The following TENM4 variants were observed in gnomAD, a reference collection of about 807,000 sequenced individuals.
TENM4 encodes teneurin-4.
A neutral mutation model predicts 243.3 loss-of-function variants in TENM4; 82 were observed. The observed-to-expected ratio is 0.34, with a 90% CI of 0.28 to 0.40. The LOEUF (loss-of-function observed/expected upper bound fraction) is 0.40. Ranked by LOEUF, TENM4 falls within the 10% of genes least tolerant of loss-of-function variation. TENM4 has a pLI of 1.00. For synonymous variants in TENM4, 1,412 were observed against 1,456.3 expected (o/e 0.97, Z 0.69); for missense variants, 3,138 against 3,673.3 (o/e 0.85, Z 3.77).
At chr11:79,282,423 C>G (rs1192583187) in intron 2 of TENM4, among the ~76,000 whole-genome samples, 1 of 152,162 alleles carries the variant, frequency 6.6e-6, no homozygotes, top group Non-Finnish European at 1.5e-5. Context: ...AAATGAATGG[C>G]CACAATTCAA....
At position 78,832,866 on chromosome 11, in the gene TENM4, T is replaced by G. The variant is rs375266806; in HGVS notation, c.1682-18471A>C. 1.3e-3 allele frequency among the ~76,000 whole-genome samples: 205 copies of G among 152,358 alleles called. 1 individual carries two copies. In the South Asian group the frequency reaches 0.014, roughly 11 times the overall value. ...AAAGGCTGCTAAATTGTCGACATGT[T>G]CCAATCACCACAGTATCCTTAACTC... On this transcript the variant is annotated intron_variant, in intron 12 of 33. Coordinates refer to ENST00000278550, the MANE Select transcript of TENM4 (RefSeq NM_001098816.3).
intron 5 of TENM4, among the ~76,000 whole-genome samples, chr11:79,065,858 G>A (rs11237706): frequency 0.31 from 46,793 of 152,034 alleles, 7,627 homozygotes; most frequent in Non-Finnish European, 0.37. Flanking sequence ...TGGAAAACTA[G>A]CCTCCCTGTC....
At chr11:79,386,781 T>A (rs777855661) in intron 1 of TENM4, among the ~76,000 whole-genome samples, 8 of 152,134 alleles carry the variant, frequency 5.3e-5, no homozygotes, top group South Asian at 2.1e-4. Context: ...AAAAAAATTT[T>A]TTTTTATTTT....
intron 4 of TENM4, among the ~76,000 whole-genome samples, chr11:79,138,777 A>T (rs1489718912): frequency 1.7e-5 from 2 of 114,620 alleles, no homozygotes; most frequent in East Asian, 2.4e-4. Flanking sequence ...CATAAAACAT[A>T]CATTATATTT....
intron 1 of TENM4, among the ~76,000 whole-genome samples, chr11:79,356,515 C>T (rs507745): frequency 0.015 from 2,356 of 152,328 alleles, 37 homozygotes; most frequent in Non-Finnish European, 0.024. Flanking sequence ...TCTAGCTTGA[C>T]TCTATTCTCC....
At chr11:79,124,885 A>ATGTGTGTGTG (rs1362992313) in intron 4 of TENM4, among the ~76,000 whole-genome samples, 3 of 60,340 alleles carry the variant, frequency 5.0e-5, no homozygotes, top group Non-Finnish European at 1.3e-4. Context: ...GTATATATGT[A>ATGTGTGTGTG]TATGTATATG....
chr11:78,923,213 G>C (rs563965265), intron 6 of TENM4, among the ~76,000 whole-genome samples: 6 of 152,230 alleles, frequency 3.9e-5, no homozygotes, highest in East Asian at 1.9e-4. Context: ...GGTTTGATGG[G>C]CTGTCACTAT....
At chr11:78,986,530 A>G (rs1857922434) in intron 6 of TENM4, among the ~76,000 whole-genome samples, 1 of 152,070 alleles carries the variant, frequency 6.6e-6, no homozygotes, top group Non-Finnish European at 1.5e-5. Context: ...GGCAAATTTT[A>G]TCTTGGTTCT....
intron 15 of TENM4, among the ~76,000 whole-genome samples, chr11:78,793,049 G>A (rs747897269): frequency 2.6e-5 from 4 of 152,176 alleles, no homozygotes; most frequent in Non-Finnish European, 4.4e-5. Flanking sequence ...CCCCAGGCTC[G>A]TCTCATTAGA....
chr11:78,812,086 G>A, intron 14 of TENM4, 36 bp downstream of exon 14: 1 of 1,539,904 alleles, frequency 6.5e-7, no homozygotes. Flanking sequence ...CTCTATCTCA[G>A]AGGAAGGTGC....
At chr11:78,693,902 C>A (rs570881730) in intron 28 of TENM4, among the ~76,000 whole-genome samples, 11 of 152,198 alleles carry the variant, frequency 7.2e-5, no homozygotes, top group African/African-American at 2.6e-4. Context: ...GTAATCCCAG[C>A]TACTCGGGAG....
At chr11:79,064,633 AC>A in intron 6 of TENM4, 104 bp downstream of exon 6, 1 of 1,449,620 alleles carries the variant, frequency 6.9e-7, no homozygotes, top group Non-Finnish European at 9.3e-7. Context: ...GCAATTTTTC[AC>A]CAACTTCACC....
intron 4 of TENM4, among the ~76,000 whole-genome samples, chr11:79,118,763 G>C (rs575784244): frequency 2.6e-5 from 4 of 152,040 alleles, no homozygotes; most frequent in Non-Finnish European, 5.9e-5. Flanking sequence ...ATAATACTTC[G>C]TTGCATATAT....
intron 1 of TENM4, among the ~76,000 whole-genome samples, chr11:79,386,571 A>G (rs1858115764): frequency 6.6e-6 from 1 of 152,122 alleles, no homozygotes; most frequent in Non-Finnish European, 1.5e-5. Context: ...AAAGCAGACA[A>G]CCTGATCTGG....
At chr11:79,149,027 C>A (rs942510602) in intron 3 of TENM4, among the ~76,000 whole-genome samples, 3 of 152,092 alleles carry the variant, frequency 2.0e-5, no homozygotes, top group Admixed American at 2.0e-4. Flanking sequence ...TGGCACATGG[C>A]AAATGCTCAT....
rs79253823 is a variant in TENM4 at position 79,313,902 on chromosome 11, G to T, written c.-320-16359C>A. Among the ~76,000 whole-genome samples the T allele has an allele frequency of 1.6e-3, 239 of 152,252 alleles. 6 individuals carry two copies. The East Asian group carries it at 0.043, about 28-fold the overall frequency. The stretch of plus-strand genomic sequence containing the variant: ...TTTCGATGTGAAATCCTTCTGGTCT[G>T]TGGAGACCCCATTTATTTTCTCTAC... On this transcript the variant is annotated intron_variant, in intron 1 of 33. Transcript: ENST00000278550.
intron 2 of TENM4, among the ~76,000 whole-genome samples, chr11:79,278,011 G>T (rs949541661): frequency 6.6e-6 from 1 of 152,166 alleles, no homozygotes; most frequent in African/African-American, 2.4e-5. Context: ...GAACAAAAAA[G>T]CTAATTCTGC....
intron 2 of TENM4, among the ~76,000 whole-genome samples, chr11:79,216,636 G>T (rs964479866): frequency 6.6e-5 from 10 of 152,114 alleles, no homozygotes; most frequent in Non-Finnish European, 1.5e-4. Flanking sequence ...CTCAATCATG[G>T]GTTGTTATAA....
intron 4 of TENM4, among the ~76,000 whole-genome samples, chr11:79,130,877 C>T (rs191573877): frequency 5.3e-5 from 8 of 152,098 alleles, no homozygotes; most frequent in African/African-American, 1.9e-4. Context: ...TATCAAAATG[C>T]AAAATGCTCT....
Sources: gnomAD v4.1 joint callset for allele counts (sites outside exome capture counted in the v4.1 genomes callset) on GRCh38, gnomAD v4.1.1 for gene constraint, MANE v1.5 for transcripts, NCBI Gene and HGNC (gene_info 2026-07-23, HGNC 2026-07-21) for gene names.